FYN: variants seen among roughly 807,000 people sequenced by gnomAD.
The protein encoded by FYN is tyrosine-protein kinase Fyn.
A neutral mutation model predicts 70.2 loss-of-function variants in FYN; 10 were observed. The ratio of observed to expected loss-of-function variants is 0.14; its 90% confidence interval spans 0.09 to 0.24. The LOEUF (loss-of-function observed/expected upper bound fraction) is 0.24, where lower values mean the gene tolerates loss of function less well. Ranked by LOEUF, FYN falls within the 10% of genes least tolerant of loss-of-function variation. The pLI is 1.00. For missense variants in FYN, 319 were observed against 673.1 expected (o/e 0.47, Z 5.82); for synonymous variants, 236 against 248.6 (o/e 0.95, Z 0.48).
At chr6:111,752,755 G>C (rs1802544329) in intron 3 of FYN, among the ~76,000 whole-genome samples, 1 of 152,160 alleles carries the variant, frequency 6.6e-6, no homozygotes, top group Non-Finnish European at 1.5e-5. Flanking sequence ...AATGACACTT[G>C]GTCTGGCAGC....
chr6:111,804,394 C>T (rs962013110), intron 2 of FYN, among the ~76,000 whole-genome samples: 1 of 152,170 alleles, frequency 6.6e-6, no homozygotes, highest in African/African-American at 2.4e-5. Flanking sequence ...TCCCCAGTAG[C>T]TCATAAGCAG....
At chr6:111,779,029 G>T (rs1042910888) in intron 3 of FYN, among the ~76,000 whole-genome samples, 14 of 150,594 alleles carry the variant, frequency 9.3e-5, no homozygotes, top group Non-Finnish European at 2.1e-4. Context: ...GGCCCTAACT[G>T]TCCTTTTAAT....
At position 111,687,605 on chromosome 6, in the gene FYN, G is replaced by GGTGGGTGT. The variant is rs767398366; in HGVS notation, c.1273+6769_1273+6770insACACCCAC. 2.2e-4 allele frequency among the ~76,000 whole-genome samples: 32 copies of GGTGGGTGT among 143,426 alleles called. 1 individual carries two copies. The East Asian group carries it at 4.2e-3, about 19-fold the overall frequency. 94.1% of individuals were successfully genotyped at this position (143,426 alleles called of 152,430 possible). On this transcript the variant is annotated intron_variant, in intron 12 of 13. Transcript: ENST00000354650. ...AGGAAAACCCAAAGTGGGGTGGGTG[G>GGTGGGTGT]GTGTGTGTGTGTGTGTGTGTGTGTG...
At chr6:111,824,933 A>C (rs1772784957) in intron 2 of FYN, among the ~76,000 whole-genome samples, 1 of 152,230 alleles carries the variant, frequency 6.6e-6, no homozygotes, top group Admixed American at 6.5e-5. Context: ...TGATTAAGGA[A>C]TTGTTTAAAG....
intron 3 of FYN, among the ~76,000 whole-genome samples, chr6:111,775,120 C>T (rs1255320124): frequency 2.6e-5 from 4 of 152,206 alleles, no homozygotes; most frequent in Non-Finnish European, 4.4e-5. Context: ...GGACCAACCA[C>T]CTGGATCCCA....
intron 6 of FYN, among the ~76,000 whole-genome samples, chr6:111,705,374 T>C (rs1364294128): frequency 3.3e-5 from 5 of 149,474 alleles, no homozygotes; most frequent in Non-Finnish European, 4.4e-5. Context: ...GTGTTCATCA[T>C]CTTCTTCTTC....
intron 2 of FYN, among the ~76,000 whole-genome samples, chr6:111,789,602 G>A (rs1396745876): frequency 1.3e-5 from 2 of 152,196 alleles, no homozygotes; most frequent in Non-Finnish European, 2.9e-5. Flanking sequence ...TGAGACTCAT[G>A]AGAATGAAGC....
intron 3 of FYN, among the ~76,000 whole-genome samples, chr6:111,747,948 C>T (rs1802304847): frequency 6.6e-6 from 1 of 152,244 alleles, no homozygotes; most frequent in Non-Finnish European, 1.5e-5. Flanking sequence ...AGCGTCTATA[C>T]TCATTCATTA....
At chr6:111,745,510 A>G (rs1194718500) in intron 3 of FYN, among the ~76,000 whole-genome samples, 1 of 152,132 alleles carries the variant, frequency 6.6e-6, no homozygotes, top group Non-Finnish European at 1.5e-5. Flanking sequence ...TGGATTCAGG[A>G]GAGAGGAGCA....
intron 3 of FYN, among the ~76,000 whole-genome samples, chr6:111,737,724 A>T (rs1190689005): frequency 2.0e-5 from 3 of 152,070 alleles, no homozygotes; most frequent in African/African-American, 7.2e-5. Flanking sequence ...TTCTCTCCCC[A>T]AAGACTGGGA....
At position 111,733,122 on chromosome 6, in the gene FYN, C is replaced by T. The variant is rs373537208; in HGVS notation, c.-11-13060G>A. On this transcript the variant is annotated intron_variant, in intron 3 of 13. Transcript: ENST00000354650. ...GAGAACCAATAAGAACTTCTGATTA[C>T]CTTTGACACAAACAGTTAAACTTGA... Among the ~76,000 whole-genome samples the T allele has an allele frequency of 2.8e-4, 42 of 152,304 alleles. No homozygotes were observed. The South Asian group carries it at 8.7e-3, about 32-fold the overall frequency.
intron 1 of FYN, among the ~76,000 whole-genome samples, chr6:111,869,752 G>A (rs920433552): frequency 1.3e-5 from 2 of 152,130 alleles, no homozygotes; most frequent in African/African-American, 4.8e-5. Context: ...ATGACCAGAT[G>A]AAAAATGAAG....
At chr6:111,752,146 T>C (rs1159316151) in intron 3 of FYN, among the ~76,000 whole-genome samples, 1 of 152,226 alleles carries the variant, frequency 6.6e-6, no homozygotes, top group Non-Finnish European at 1.5e-5. Context: ...ATGTTAATAC[T>C]GAATTTGGGA....
intron 1 of FYN, among the ~76,000 whole-genome samples, chr6:111,862,892 G>GGGGATTCC (rs1554297335): frequency 6.6e-6 from 1 of 152,194 alleles, no homozygotes; most frequent in Non-Finnish European, 1.5e-5. Context: ...GGGAAGGACG[G>GGGGATTCC]GGGATTCCGG....
intron 3 of FYN, among the ~76,000 whole-genome samples, chr6:111,770,002 G>A (rs1803385648): frequency 6.6e-6 from 1 of 151,856 alleles, no homozygotes; most frequent in Admixed American, 6.6e-5. Context: ...TTTAGATGGG[G>A]GGAGGGCAAA....
rs1007494302 is a variant in FYN at position 111,720,079 on chromosome 6, A to G, written c.-11-17T>C. 3 of 1,566,494 alleles carry G rather than the reference A, an allele frequency of 1.9e-6. No individual in the cohort carries two copies. The highest frequency in any genetic ancestry group is 2.6e-6 in the Non-Finnish European group (3 of 1,151,804). Reference sequence around the variant, plus strand: ...TCTAAATTCCTGCCAAAGACAAAAAAGGGGGCACGTAAGCTGGGATGCTCC... The same window carrying G: ...TCTAAATTCCTGCCAAAGACAAAAAGGGGGGCACGTAAGCTGGGATGCTCC... On this transcript the variant is annotated splice_polypyrimidine_tract_variant and intron_variant, in intron 3 of 13. Transcript: ENST00000354650.
chr6:111,790,429 A>G (rs183230407), intron 2 of FYN, among the ~76,000 whole-genome samples: 2 of 152,190 alleles, frequency 1.3e-5, no homozygotes, highest in Admixed American at 6.5e-5. Flanking sequence ...GGGTAACTCT[A>G]AAGTCCTAAG....
chr6:111,720,623 G>A (rs911608347), intron 3 of FYN, among the ~76,000 whole-genome samples: 1 of 152,096 alleles, frequency 6.6e-6, no homozygotes, highest in African/African-American at 2.4e-5. Flanking sequence ...ATGATGCTAA[G>A]TATCAAAACT....
intron 2 of FYN, among the ~76,000 whole-genome samples, chr6:111,813,530 T>C (rs1012463141): frequency 6.6e-6 from 1 of 152,202 alleles, no homozygotes; most frequent in African/African-American, 2.4e-5. Flanking sequence ...CCTTCAACTT[T>C]CACTTTATTG....
Sources: gnomAD v4.1 joint callset for allele counts (sites outside exome capture counted in the v4.1 genomes callset) on GRCh38, gnomAD v4.1.1 for gene constraint, MANE v1.5 for transcripts, NCBI Gene and HGNC (gene_info 2026-07-23, HGNC 2026-07-21) for gene names.